MSANTD5: variants seen among roughly 807,000 people sequenced by gnomAD.
The protein encoded by MSANTD5 is uncharacterized protein MSANTD5.
chr5:178,705,723 C>G, the MSANTD5 span, among the ~76,000 whole-genome samples: 1 of 151,920 alleles, frequency 6.6e-6, no homozygotes, highest in Admixed American at 6.6e-5. Context: ...TTTGGGAGGC[C>G]GAGGCGGGAG....
downstream of MSANTD5, among the ~76,000 whole-genome samples, chr5:178,692,197 T>C (rs555712021): frequency 1.7e-4 from 19 of 112,416 alleles, 2 homozygotes; most frequent in African/African-American, 5.8e-4. Context: ...CTGGCCAATA[T>C]GGTGAAACCC....
chr5:178,692,553 G>A (rs1449568850), downstream of MSANTD5, among the ~76,000 whole-genome samples: 1 of 151,890 alleles, frequency 6.6e-6, no homozygotes, highest in African/African-American at 2.4e-5. Flanking sequence ...TCCACTGGGC[G>A]AAGGGTTCAA....
At chr5:178,702,046 A>G (rs189819667), upstream of MSANTD5, among the ~76,000 whole-genome samples, 1 of 150,494 alleles carries the variant, frequency 6.6e-6, no homozygotes, top group Admixed American at 6.6e-5. Context: ...TATTTTTTAA[A>G]ATAATAAAAA....
chr5:178,692,459 T>G (rs1765367339), downstream of MSANTD5, among the ~76,000 whole-genome samples: 1 of 151,600 alleles, frequency 6.6e-6, no homozygotes, highest in Admixed American at 6.6e-5. Flanking sequence ...CCAAAGGAAG[T>G]CTTGTGTTTA....
the MSANTD5 span, among the ~76,000 whole-genome samples, chr5:178,706,381 C>T: frequency 2.0e-5 from 3 of 152,172 alleles, no homozygotes; most frequent in African/African-American, 7.2e-5. Flanking sequence ...CGGGGACAGT[C>T]TGTGGCTCTG....
At chr5:178,702,096 AT>A (rs147350031), upstream of MSANTD5, among the ~76,000 whole-genome samples, 1 of 151,120 alleles carries the variant, frequency 6.6e-6, no homozygotes, top group African/African-American at 2.4e-5. Flanking sequence ...AAAAAAAAAA[AT>A]AAAAAAAGAA....
At chr5:178,696,349 A>G (rs1581733238) in intron 1 of MSANTD5, among the ~76,000 whole-genome samples, 168 bp from the exon 2 acceptor site, 3 of 151,926 alleles carry the variant, frequency 2.0e-5, no homozygotes, top group South Asian at 4.2e-4. Flanking sequence ...CAGCCTCCCA[A>G]GTAGCTGGGA....
chr5:178,692,601 G>A (rs1275944627), downstream of MSANTD5, among the ~76,000 whole-genome samples: 1 of 151,950 alleles, frequency 6.6e-6, no homozygotes, highest in Non-Finnish European at 1.5e-5. Flanking sequence ...ACACTACATG[G>A]CAAGAAAAAG....
At chr5:178,692,072 T>A (rs1248066230), downstream of MSANTD5, among the ~76,000 whole-genome samples, 16 of 91,162 alleles carry the variant, frequency 1.8e-4, no homozygotes, top group East Asian at 4.6e-4. Flanking sequence ...TGGCAGTTTC[T>A]AAAAAAAAAA....
upstream of MSANTD5, among the ~76,000 whole-genome samples, chr5:178,702,327 G>A (rs1765498039): frequency 7.0e-6 from 1 of 142,286 alleles, no homozygotes; most frequent in African/African-American, 2.6e-5. Flanking sequence ...TTGACATGGA[G>A]TCTCTCTCTG....
At chr5:178,693,987 A>G (rs116216147), downstream of MSANTD5, among the ~76,000 whole-genome samples, 308 of 152,160 alleles carry the variant, frequency 2.0e-3, 5 homozygotes, top group African/African-American at 7.1e-3. Context: ...ATCAGCTTTA[A>G]TTTTAATACG....
chr5:178,694,219 A>G (rs1175884119), downstream of MSANTD5, among the ~76,000 whole-genome samples: 1 of 147,996 alleles, frequency 6.8e-6, no homozygotes, highest in Non-Finnish European at 1.5e-5. Flanking sequence ...CAGGAGGCTG[A>G]GGCAGAGAAT....
At chr5:178,692,599 T>C (rs893836804), downstream of MSANTD5, among the ~76,000 whole-genome samples, 2 of 151,870 alleles carry the variant, frequency 1.3e-5, no homozygotes, top group Admixed American at 6.6e-5. Context: ...GAACACTACA[T>C]GGCAAGAAAA....
chr5:178,701,223 C>T (rs1478523600), upstream of MSANTD5, among the ~76,000 whole-genome samples: 1 of 152,120 alleles, frequency 6.6e-6, no homozygotes, highest in Non-Finnish European at 1.5e-5. Flanking sequence ...GTGATCTGCC[C>T]TCCTCGGCCT....
the MSANTD5 span, among the ~76,000 whole-genome samples, chr5:178,706,445 G>T: frequency 6.6e-6 from 1 of 152,164 alleles, no homozygotes; most frequent in Non-Finnish European, 1.5e-5. Context: ...GGTGGCAGAG[G>T]GGGTGCATTC....
chr5:178,692,873 T>C (rs1476833684), downstream of MSANTD5, among the ~76,000 whole-genome samples: 1 of 151,994 alleles, frequency 6.6e-6, no homozygotes, highest in Non-Finnish European at 1.5e-5. Flanking sequence ...GTCAATATCC[T>C]GGTTATGATA....
chr5:178,705,754 C>T, the MSANTD5 span, among the ~76,000 whole-genome samples: 2 of 152,008 alleles, frequency 1.3e-5, no homozygotes, highest in African/African-American at 4.8e-5. Flanking sequence ...TCAGGAGATC[C>T]AGACCATCCT....
At chr5:178,704,108 G>A in the MSANTD5 span, among the ~76,000 whole-genome samples, 1 of 151,454 alleles carries the variant, frequency 6.6e-6, no homozygotes, top group Non-Finnish European at 1.5e-5. Context: ...ATTTTTAAAA[G>A]AAAATCACCA....
chr5:178,706,302 G>A, the MSANTD5 span, among the ~76,000 whole-genome samples: 1 of 152,110 alleles, frequency 6.6e-6, no homozygotes, highest in South Asian at 2.1e-4. Flanking sequence ...GGTGCCAGGG[G>A]CTTCAAATTC....
Sources: allele counts gnomAD v4.1 joint callset (sites outside exome capture counted in the v4.1 genomes callset), GRCh38; gene constraint gnomAD v4.1.1; transcripts MANE v1.5; gene names NCBI Gene and HGNC (gene_info 2026-07-23, HGNC 2026-07-21).